Variants in DST observed in about 807,000 individuals in gnomAD.
DST encodes dystonin.
Under a neutral mutation model 875.2 loss-of-function variants are expected in DST, and 253 were observed. That is an observed-to-expected ratio of 0.29 (90% CI 0.26 to 0.32). The LOEUF is 0.32. Ranked by LOEUF, DST falls within the 10% of genes least tolerant of loss-of-function variation. The pLI is 1.00. For synonymous variants in DST, 3,124 were observed against 3,197.1 expected, an observed-to-expected ratio of 0.98 and a Z score of 0.77; for missense variants, 8,287 against 9,111.6, an observed-to-expected ratio of 0.91 and a Z score of 3.68.
At chr6:56,782,612 C>T (rs1022226884) in intron 4 of DST, among the ~76,000 whole-genome samples, 44 of 152,092 alleles carry the variant, frequency 2.9e-4, no homozygotes, top group Non-Finnish European at 5.1e-4. Flanking sequence ...ATTCTTCTGT[C>T]TTTTTTTCTT....
intron 2 of DST, among the ~76,000 whole-genome samples, chr6:56,950,554 C>T (rs1821812383): frequency 6.6e-6 from 1 of 152,168 alleles, no homozygotes; most frequent in Non-Finnish European, 1.5e-5. Context: ...AGGAAAAGTA[C>T]ACTTCTTAGA....
chr6:56,816,674 C>T (rs2099766923), intron 4 of DST, among the ~76,000 whole-genome samples: 1 of 152,150 alleles, frequency 6.6e-6, no homozygotes, highest in African/African-American at 2.4e-5. Context: ...GCGTGCAGGA[C>T]TGAGGTGGCA....
chr6:56,490,840 T>C (rs1485205097), intron 85 of DST, among the ~76,000 whole-genome samples: 1 of 152,152 alleles, frequency 6.6e-6, no homozygotes, highest in Non-Finnish European at 1.5e-5. Flanking sequence ...AAACTATTTT[T>C]AAGCCATATA....
Position 56,651,256 on chromosome 6 carries a change from T to A in DST, c.1215-12A>T. The A allele has an allele frequency of 6.5e-7, 1 of 1,542,726 alleles. No homozygotes were observed. Among genetic ancestry groups the A allele is most frequent in the Non-Finnish European group, 8.9e-7 (1 of 1,129,858 alleles). On this transcript the variant is annotated splice_polypyrimidine_tract_variant and intron_variant, in intron 10 of 103. Transcript: ENST00000680361. ...CTATCAGGTCCGGCCTAGGAAAAAATTCACTGTGTTAATTAGGTTTTCTCA... is the reference window on the plus strand; with the variant it reads ...CTATCAGGTCCGGCCTAGGAAAAAAATCACTGTGTTAATTAGGTTTTCTCA...
At chr6:56,741,126 C>T (rs558374793) in intron 4 of DST, among the ~76,000 whole-genome samples, 15 of 152,244 alleles carry the variant, frequency 9.9e-5, no homozygotes, top group Non-Finnish European at 1.9e-4. Flanking sequence ...TGGCTAATTA[C>T]TTACCAAAGC....
Position 56,633,233 on chromosome 6 carries a change from C to CTTTTTTTT in DST, c.3622-204_3622-197dup, listed in dbSNP as rs61647189. On this transcript the variant is annotated intron_variant, in intron 27 of 103. Coordinates refer to ENST00000680361, the MANE Select transcript of DST (RefSeq NM_001374736.1). ...TTTTGTTTTGAGACGGAGTTTCACT[C>CTTTTTTTT]TTTTTTTTTTTGAGACGGAGTCTCG... Among the ~76,000 whole-genome samples the CTTTTTTTT allele has an allele frequency of 0.049, 6,727 of 138,018 alleles. 483 individuals are homozygous for CTTTTTTTT. The highest frequency in any genetic ancestry group is 0.11 in the African/African-American group (3,665 of 32,524). 90.5% of individuals were successfully genotyped at this position (138,018 alleles called of 152,430 possible). A position where few individuals can be genotyped will look rare whatever the true frequency, so the allele number is the denominator to read the frequency against.
Position 56,485,383 on chromosome 6 carries a change from G to T in DST, c.21136C>A (p.Pro7046Thr). 1 of 1,613,902 alleles carries T rather than the reference G, an allele frequency of 6.2e-7. No individual in the cohort carries two copies. The highest frequency in any genetic ancestry group is 8.5e-7 in the Non-Finnish European group (1 of 1,179,856). ...ACAGGCTGGTCTTCTGCCAGCTGGG[G>T]TTCAACTCTATATAACCAATCAATG... is the stretch of plus-strand genomic sequence containing the variant. The part of the protein sequence containing the change: ...ALIDWLYRVE[P>T]QLAEDQPVHG... The change falls in exon 88 of 104, where the codon CCC becomes ACC. Residue 7046 changes from proline (P) to threonine (T), a missense_variant. Pro to Thr is a conservative substitution (Grantham distance 38). Coordinates refer to ENST00000680361, the MANE Select transcript of DST (RefSeq NM_001374736.1).
chr6:56,701,896 T>G lies in DST; in HGVS notation c.946A>C (p.Arg316=). ...NVQIALDYLK[R]RQVKLVNIRN... is the part of the protein sequence containing the mutation. ...TTTTCAAAACATCATACCTGGCGTC[T>G]TTTCAAATAGTCAAGTGCAATTTGT... is the stretch of plus-strand genomic sequence containing the variant. The change falls in exon 8 of 104, where the codon AGA becomes CGA. Residue 316 remains arginine, a synonymous_variant. Transcript: ENST00000680361. 6.2e-7 allele frequency: 1 copy of G among 1,602,962 alleles called. No homozygotes were observed. The highest frequency in any genetic ancestry group is 8.5e-7 in the Non-Finnish European group (1 of 1,171,120).
Position 56,460,227 on chromosome 6 carries a change from G to T in DST, c.23098C>A (p.Arg7700=). 1 of 1,613,920 alleles carries T rather than the reference G, an allele frequency of 6.2e-7. No homozygotes were observed. The highest frequency in any genetic ancestry group is 1.1e-5 in the South Asian group (1 of 91,064). Reference sequence around the variant, plus strand: ...TTCCCTGATAAATATCCTGGAAGTCGAAGCTTGCTTCCTTGTATTGGCGTT... The same window carrying T: ...TTCCCTGATAAATATCCTGGAAGTCTAAGCTTGCTTCCTTGTATTGGCGTT... ...EGTPIQGSKL[R]LPGYLSGKGF... Residue 7700 remains arginine, a synonymous_variant, in exon 103 of 104, where the codon CGA becomes AGA. Transcript: ENST00000680361.
At chr6:56,670,133 CGT>C (rs70989723) in intron 10 of DST, among the ~76,000 whole-genome samples, 6,224 of 146,142 alleles carry the variant, frequency 0.043, 141 homozygotes, top group East Asian at 0.099. Context: ...AGCGCCCGTG[CGT>C]GTGTGTGTGT....
chr6:56,679,083 A>G (rs938389252), intron 9 of DST, among the ~76,000 whole-genome samples: 6 of 152,046 alleles, frequency 3.9e-5, no homozygotes, highest in African/African-American at 1.5e-4. Flanking sequence ...CATCCATTCC[A>G]GCTAACTTAC....
chr6:56,732,821 T>C (rs2099507364), intron 5 of DST, among the ~76,000 whole-genome samples: 1 of 152,184 alleles, frequency 6.6e-6, no homozygotes, highest in Non-Finnish European at 1.5e-5. Flanking sequence ...ATCTGCAACC[T>C]ATTGCAGTGC....
rs372497920 is a variant in DST at position 56,536,846 on chromosome 6, G to A, written c.16703C>T (p.Thr5568Ile). Reference sequence around the variant, plus strand: ...GTCATGCTCCAAGCCCTGAGTGCTAGTGCTTTTGGCAGCACTCTGAATAAG... The same window carrying A: ...GTCATGCTCCAAGCCCTGAGTGCTAATGCTTTTGGCAGCACTCTGAATAAG... ...QGLIQSAAKSTSTQGLEHDLD... is the reference protein window; with the variant it reads ...QGLIQSAAKSISTQGLEHDLD... The change falls in exon 62 of 104, where the codon ACT (threonine) becomes ATT (isoleucine). Residue 5568 changes from threonine to isoleucine, a missense_variant. Around this residue, in one of 10 missense-constraint regions of DST, gnomAD observed 777 missense variants for 764.8 expected, o/e 1.02. Transcript: ENST00000680361. 6.8e-6 allele frequency: 11 copies of A among 1,613,178 alleles called. No individual in the cohort carries two copies. Among genetic ancestry groups the A allele is most frequent in the Non-Finnish European group, 8.5e-6 (10 of 1,179,422 alleles).
intron 77 of DST, among the ~76,000 whole-genome samples, 183 bp from the exon 78 acceptor site, chr6:56,504,281 C>T (rs138914041): frequency 6.8e-4 from 103 of 151,942 alleles, no homozygotes; most frequent in South Asian, 2.5e-3. Flanking sequence ...AATGGTTGTC[C>T]CAAATATGAA....
rs1563139456 is a variant in DST, at chr6:56,606,566, G to C, written c.8062C>G (p.Leu2688Val). The C allele has an allele frequency of 1.9e-6, 3 of 1,613,522 alleles. No homozygotes were observed. Among genetic ancestry groups the C allele is most frequent in the Non-Finnish European group, 2.5e-6 (3 of 1,179,616 alleles). ...TCAACATCCATAAGGAAATCCTGAA[G>C]ACAATGTGCTTTGTTCTTCACACTT... ...SLSVKNKAHC[L>V]QDFLMDVEKD... Residue 2688 changes from leucine (L) to valine (V), a missense_variant, in exon 40 of 104, where the codon CTT becomes GTT. Transcript: ENST00000680361.
At chr6:56,636,338 A>G (rs917900311) in intron 23 of DST, among the ~76,000 whole-genome samples, 2 of 150,994 alleles carry the variant, frequency 1.3e-5, no homozygotes, top group African/African-American at 2.4e-5. Context: ...GTATATATGT[A>G]TATGTATGTG....
At chr6:56,927,622 T>C (rs1362256116) in intron 2 of DST, among the ~76,000 whole-genome samples, 3 of 152,174 alleles carry the variant, frequency 2.0e-5, no homozygotes, top group Non-Finnish European at 4.4e-5. Context: ...AAAGTTCCTA[T>C]TATATTTCAC....
In DST at chr6:56,605,676, C is replaced by A. The variant is rs1369844155; in HGVS notation, c.8952G>T (p.Lys2984Asn). 6.2e-7 allele frequency: 1 copy of A among 1,612,906 alleles called. No individual in the cohort carries two copies. The part of the protein sequence containing the change: ...DSVKGKDEYF[K>N]NMTPKVDSSL... ...ATGAGTCAACTTTTGGTGTCATATT[C>A]TTAAAATATTCATCTTTACCTTTCA... is the stretch of plus-strand genomic sequence containing the variant. The change falls in exon 40 of 104, where the codon AAG becomes AAT. Residue 2984 changes from lysine to asparagine, a missense_variant. This residue lies in a region of DST where 3,138 missense variants were observed against 3,116.6 expected (regional missense o/e 1.01). Coordinates refer to ENST00000680361, the MANE Select transcript of DST (RefSeq NM_001374736.1).
intron 15 of DST, chr6:56,642,756 A>C (rs2098918998): frequency 6.2e-7 from 1 of 1,614,124 alleles, no homozygotes; most frequent in South Asian, 1.1e-5. Flanking sequence ...ACACAGAATC[A>C]CTGCTACGGT....
Sources: allele counts gnomAD v4.1 joint callset (sites outside exome capture counted in the v4.1 genomes callset), GRCh38; gene constraint gnomAD v4.1.1; regional missense constraint gnomAD v4.1.1; transcripts MANE v1.5; gene names NCBI Gene and HGNC (gene_info 2026-07-23, HGNC 2026-07-21).